Variants in GRM7 observed in about 807,000 individuals in gnomAD.
The protein encoded by GRM7 is glutamate metabotropic receptor 7.
Under a neutral mutation model 84.5 loss-of-function variants are expected in GRM7, and 35 were observed. The ratio of observed to expected loss-of-function variants is 0.41; its 90% CI spans 0.32 to 0.55. GRM7 has a LOEUF of 0.55. GRM7 is among the 20% of genes least tolerant of loss of function. GRM7 has a pLI of 0.19. For missense variants in GRM7, 1,003 were observed against 1,194.6 expected (o/e 0.84, Z 2.36); for synonymous variants, 487 against 455.1 (o/e 1.07, Z -0.89).
chr3:7,180,773 G>A (rs528047901), intron 2 of GRM7, among the ~76,000 whole-genome samples: 87 of 152,262 alleles, frequency 5.7e-4, no homozygotes, highest in African/African-American at 2.0e-3. Context: ...ATGCAGCAAA[G>A]AAATGTTCCA....
Position 7,146,622 on chromosome 3 carries a change from T to C in GRM7, c.690T>C (p.Tyr230=), listed in dbSNP as rs1694119250. 1.9e-6 allele frequency: 3 copies of C among 1,613,838 alleles called. No individual in the cohort carries two copies. Among genetic ancestry groups the C allele is most frequent in the Admixed American group, 1.7e-5 (1 of 59,972 alleles). ...YVSTLASEGS[Y]GEKGVESFTQ... ...CTACCCTCGCATCGGAAGGAAGTTA[T>C]GGAGAGAAAGGTGTGGAGTCCTTCA... is the stretch of plus-strand genomic sequence containing the variant. Residue 230 remains tyrosine (Y), a synonymous_variant, in exon 2 of 10, where the codon TAT becomes TAC. Coordinates refer to ENST00000357716, the MANE Select transcript of GRM7 (RefSeq NM_000844.4).
At chr3:7,515,812 T>G (rs1700355723) in intron 7 of GRM7, among the ~76,000 whole-genome samples, 1 of 151,952 alleles carries the variant, frequency 6.6e-6, no homozygotes, top group Non-Finnish European at 1.5e-5. Context: ...CTGTGTAAAC[T>G]AGGGGACAAT....
At chr3:7,298,255 A>G (rs1196843854) in intron 2 of GRM7, among the ~76,000 whole-genome samples, 1 of 152,156 alleles carries the variant, frequency 6.6e-6, no homozygotes, top group African/African-American at 2.4e-5. Context: ...AAATTCTGGG[A>G]ATGCAAACGC....
intron 1 of GRM7, among the ~76,000 whole-genome samples, chr3:6,999,986 A>T (rs1424492991): frequency 1.3e-5 from 2 of 152,194 alleles, no homozygotes; most frequent in African/African-American, 4.8e-5. Flanking sequence ...TTTTCAAATT[A>T]AGATTTAGAA....
chr3:7,190,431 GT>G (rs1176217462), intron 2 of GRM7, among the ~76,000 whole-genome samples: 2 of 152,064 alleles, frequency 1.3e-5, no homozygotes, highest in East Asian at 3.9e-4. Context: ...ATGTGTGTTG[GT>G]TTTAGACTCA....
intron 4 of GRM7, among the ~76,000 whole-genome samples, chr3:7,405,606 G>A (rs906727553): frequency 6.6e-6 from 1 of 152,054 alleles, no homozygotes; most frequent in African/African-American, 2.4e-5. Flanking sequence ...GTAAAAATTA[G>A]GTGTGTTTAG....
intron 7 of GRM7, among the ~76,000 whole-genome samples, chr3:7,536,268 C>G (rs1176107716): frequency 6.6e-6 from 1 of 152,092 alleles, no homozygotes; most frequent in Non-Finnish European, 1.5e-5. Flanking sequence ...TAATGAACAA[C>G]AGAAGAAAAC....
chr3:7,094,790 G>C (rs78810793), intron 1 of GRM7, among the ~76,000 whole-genome samples: 1 of 150,404 alleles, frequency 6.6e-6, no homozygotes, highest in Non-Finnish European at 1.5e-5. Context: ...AATAATTTTA[G>C]AAATTAAATA....
intron 7 of GRM7, among the ~76,000 whole-genome samples, chr3:7,513,057 G>A (rs1436551406): frequency 6.6e-6 from 1 of 152,222 alleles, no homozygotes; most frequent in Admixed American, 6.5e-5. Context: ...TGAGCCCAGG[G>A]AGTAGGGAAT....
In GRM7 at chr3:6,928,675, T is replaced by C. The variant is rs530399341; in HGVS notation, c.519+66768T>C. Among the ~76,000 whole-genome samples the C allele has an allele frequency of 6.6e-6, 1 of 152,328 alleles. No homozygotes were observed. Among genetic ancestry groups the C allele is most frequent in the East Asian group, 1.9e-4 (1 of 5,186 alleles). ...TTGATAGAATCAATAGAAGCTTAGT[T>C]AAGCAGGTGATAATCTTCTCTTGGC... On this transcript the variant is annotated intron_variant, in intron 1 of 9. Coordinates refer to ENST00000357716, the MANE Select transcript of GRM7 (RefSeq NM_000844.4). The surrounding 1 kb of genome is among the most constrained non-coding windows in gnomAD (Gnocchi z 4.5).
intron 1 of GRM7, among the ~76,000 whole-genome samples, chr3:6,892,393 C>T (rs12490994): frequency 0.095 from 14,452 of 152,100 alleles, 766 homozygotes; most frequent in Non-Finnish European, 0.11. Flanking sequence ...ATTTTGATAG[C>T]GTGCCCTAAG....
chr3:7,365,470 T>A (rs547477923), intron 4 of GRM7, among the ~76,000 whole-genome samples: 48 of 151,758 alleles, frequency 3.2e-4, no homozygotes, highest in African/African-American at 8.2e-4. Flanking sequence ...GTCTTCCAGT[T>A]CACTGATTAT....
At chr3:7,440,398 G>A (rs998920718) in intron 5 of GRM7, among the ~76,000 whole-genome samples, 1 of 152,134 alleles carries the variant, frequency 6.6e-6, no homozygotes, top group Non-Finnish European at 1.5e-5. Flanking sequence ...TCTCTTTGGG[G>A]ATGACTATTT....
chr3:6,996,775 T>TA (rs1309388654), intron 1 of GRM7, among the ~76,000 whole-genome samples: 1 of 152,196 alleles, frequency 6.6e-6, no homozygotes, highest in African/African-American at 2.4e-5. Flanking sequence ...TTTCTTCCTG[T>TA]AAACAGAAAC....
At chr3:6,951,296 A>T (rs2125069406) in intron 1 of GRM7, among the ~76,000 whole-genome samples, 1 of 151,990 alleles carries the variant, frequency 6.6e-6, no homozygotes, top group South Asian at 2.1e-4. Flanking sequence ...TTTCAGGCTG[A>T]TTTTTATTAT....
intron 1 of GRM7, among the ~76,000 whole-genome samples, chr3:7,034,676 C>A (rs1696318221): frequency 6.6e-6 from 1 of 151,974 alleles, no homozygotes; most frequent in Non-Finnish European, 1.5e-5. Flanking sequence ...ACTCAGGAAC[C>A]AAGAACAGAT....
At chr3:7,686,857 C>G (rs1310445457) in intron 9 of GRM7, among the ~76,000 whole-genome samples, 1 of 152,150 alleles carries the variant, frequency 6.6e-6, no homozygotes, top group Middle Eastern at 3.2e-3. Context: ...TTAGTAAATG[C>G]AGACCTAGTA....
At chr3:7,304,017 A>G (rs1233664942) in intron 3 of GRM7, among the ~76,000 whole-genome samples, 2 of 151,742 alleles carry the variant, frequency 1.3e-5, no homozygotes, top group African/African-American at 4.8e-5. Context: ...CTCTACCCTT[A>G]ATTAGTAGTT....
chr3:7,601,184 A>G (rs1480324345), intron 8 of GRM7, among the ~76,000 whole-genome samples: 1 of 152,174 alleles, frequency 6.6e-6, no homozygotes, highest in Non-Finnish European at 1.5e-5. Flanking sequence ...AGAAGCATGT[A>G]TATATAACTG....
Sources: allele counts gnomAD v4.1 joint callset (sites outside exome capture counted in the v4.1 genomes callset), GRCh38; gene constraint gnomAD v4.1.1; non-coding constraint Gnocchi (gnomAD v3.1); transcripts MANE v1.5; gene names NCBI Gene and HGNC (gene_info 2026-07-23, HGNC 2026-07-21).